CELF2: variants seen among roughly 807,000 people sequenced by gnomAD.
CELF2 encodes CUG triplet repeat RNA-binding protein 2.
In CELF2, 8 loss-of-function variants were observed where a neutral mutation model predicts 62.6. That is an observed-to-expected ratio of 0.13 (90% CI 0.07 to 0.23). CELF2 has a LOEUF of 0.23. CELF2 is among the 10% of genes least tolerant of loss of function. The probability of loss-of-function intolerance (pLI) is 1.00; values close to 1 mark genes in which losing one functional copy is unlikely to be tolerated. For synonymous variants in CELF2, 258 were observed against 250.0 expected, an observed-to-expected ratio of 1.03 and a Z score of -0.30; for missense variants, 333 against 671.0, an observed-to-expected ratio of 0.50 and a Z score of 5.56.
the CELF2 span, among the ~76,000 whole-genome samples, chr10:10,483,273 C>CT: frequency 2.0e-5 from 3 of 148,318 alleles, 1 homozygote; most frequent in Admixed American, 6.7e-5. Context: ...AAATCAAACT[C>CT]TGTTTCTTAG....
rs984534641 is a variant in CELF2, at chr10:10,993,386, G to A, written c.89+73387G>A. On this transcript the variant is annotated intron_variant, in intron 2 of 13. Coordinates refer to the CELF2 transcript ENST00000636488. The surrounding 1 kb of genome is among the most constrained non-coding windows in gnomAD (Gnocchi z 5.3). ...GAGTAAATTGGGAAACACTTTCAGG[G>A]CAGGTGATATTTGAACTGCAACTGT... is the stretch of plus-strand genomic sequence containing the variant. Among the ~76,000 whole-genome samples, 2 of 152,084 alleles carry A rather than the reference G, an allele frequency of 1.3e-5. No individual in the cohort carries two copies. Among genetic ancestry groups the A allele is most frequent in the African/African-American group, 4.8e-5 (2 of 41,410 alleles).
the CELF2 span, among the ~76,000 whole-genome samples, chr10:10,512,733 C>A: frequency 6.6e-6 from 1 of 152,102 alleles, no homozygotes; most frequent in Admixed American, 6.6e-5. Context: ...TTAACAGGAT[C>A]AATTAAAGAC....
intron 2 of CELF2, among the ~76,000 whole-genome samples, chr10:11,198,279 C>T (rs768731970): frequency 1.3e-5 from 2 of 152,252 alleles, no homozygotes; most frequent in African/African-American, 2.4e-5. Context: ...ATATGGGAGC[C>T]GAATGCAGTG....
Position 11,244,294 on chromosome 10 carries a change from A to G in CELF2, c.355-4859A>G, listed in dbSNP as rs1565513909. Among the ~76,000 whole-genome samples the G allele has an allele frequency of 6.6e-6, 1 of 152,232 alleles. No individual in the cohort carries two copies. The highest frequency in any genetic ancestry group is 2.4e-5 in the African/African-American group (1 of 41,454). On this transcript the variant is annotated intron_variant, in intron 3 of 12. Coordinates refer to ENST00000633077, the MANE Select transcript of CELF2 (RefSeq NM_001326342.2). The surrounding 1 kb of genome is among the most constrained non-coding windows in gnomAD (Gnocchi z 4.2). ...CTTTTTACTTGAAATTGTCCAGCCT[A>G]TGAACATATCCCTCACTGTTAGTCT...
At chr10:11,106,773 G>A (rs1341882088) in intron 1 of CELF2, among the ~76,000 whole-genome samples, 1 of 152,246 alleles carries the variant, frequency 6.6e-6, no homozygotes, top group African/African-American at 2.4e-5. Flanking sequence ...CCTGAGGAGG[G>A]AAAGGGCATT....
chr10:10,466,962 A>G, the CELF2 span, among the ~76,000 whole-genome samples: 1 of 151,946 alleles, frequency 6.6e-6, no homozygotes, highest in Non-Finnish European at 1.5e-5. Flanking sequence ...GAGTGTATGG[A>G]ATACATTTCC....
intron 9 of CELF2, among the ~76,000 whole-genome samples, chr10:11,312,883 A>G (rs185421779): frequency 6.6e-6 from 1 of 152,326 alleles, no homozygotes; most frequent in Non-Finnish European, 1.5e-5. Context: ...GCAGTGGGCC[A>G]AGATCATGCC....
chr10:11,085,202 G>A lies in CELF2; in HGVS notation c.74+67039G>A, dbSNP rs1027062111. Among the ~76,000 whole-genome samples, 33 of 152,158 alleles carry A rather than the reference G, an allele frequency of 2.2e-4. 1 individual carries two copies. The highest frequency in any genetic ancestry group is 1.2e-4 in the Non-Finnish European group (8 of 68,040). On this transcript the variant is annotated intron_variant, in intron 1 of 12. Transcript: ENST00000633077. ...ACCTTAAGGTTTAGTAGATACTGTC[G>A]TTGAAGACATTGGAAATCATTTTCC...
At chr10:10,662,771 C>A in the CELF2 span, among the ~76,000 whole-genome samples, 1 of 152,170 alleles carries the variant, frequency 6.6e-6, no homozygotes, top group African/African-American at 2.4e-5. Flanking sequence ...ACCAGATGAT[C>A]TTTTGACATA....
the CELF2 span, among the ~76,000 whole-genome samples, chr10:10,700,398 A>G: frequency 1.3e-5 from 2 of 152,184 alleles, no homozygotes; most frequent in African/African-American, 4.8e-5. Context: ...ACCAAAATAC[A>G]ACAGATTGTT....
chr10:11,086,598 A>C (rs1273772461), intron 1 of CELF2, among the ~76,000 whole-genome samples: 3 of 145,954 alleles, frequency 2.1e-5, no homozygotes, highest in Non-Finnish European at 3.0e-5. Flanking sequence ...AAAAAAAAAA[A>C]AAAAAAAAAA....
rs538872630 is a variant in CELF2, at chr10:10,879,635, T to C, written c.54-40329T>C. Among the ~76,000 whole-genome samples, 5 of 152,352 alleles carry C rather than the reference T, an allele frequency of 3.3e-5. No homozygotes were observed. In the South Asian group the frequency reaches 6.2e-4, roughly 19 times the overall value. On this transcript the variant is annotated intron_variant, in intron 1 of 13. Coordinates refer to the CELF2 transcript ENST00000636488. ...GTCTACAGGGCACCTGTCTTAATCA[T>C]TTAACACTGAGTTAAGAAATCCTTT...
chr10:11,256,151 A>G (rs1321481319), intron 4 of CELF2, among the ~76,000 whole-genome samples: 1 of 152,194 alleles, frequency 6.6e-6, no homozygotes, highest in African/African-American at 2.4e-5. Context: ...TGGCTCATGG[A>G]GCAATCATGT....
chr10:10,706,116 C>T, the CELF2 span, among the ~76,000 whole-genome samples: 2 of 152,202 alleles, frequency 1.3e-5, no homozygotes, highest in East Asian at 1.9e-4. Flanking sequence ...CCTTCTCACT[C>T]CATCCCTGAC....
intron 1 of CELF2, among the ~76,000 whole-genome samples, chr10:11,102,924 T>A (rs1179448900): frequency 1.3e-5 from 2 of 152,206 alleles, no homozygotes; most frequent in Non-Finnish European, 2.9e-5. Flanking sequence ...GACAGACCAC[T>A]TCTCCCTTGC....
the CELF2 span, among the ~76,000 whole-genome samples, chr10:10,596,042 T>G: frequency 6.6e-6 from 1 of 152,218 alleles, no homozygotes; most frequent in African/African-American, 2.4e-5. Flanking sequence ...GCCCTGCCAC[T>G]GGCTAGCTCA....
chr10:11,049,122 T>TAA (rs11406502), intron 1 of CELF2, among the ~76,000 whole-genome samples: 12,235 of 142,978 alleles, frequency 0.086, 1,363 homozygotes, highest in African/African-American at 0.26. Flanking sequence ...ACTGTTCTGT[T>TAA]AAAAAAAAAA....
chr10:10,771,586 C>T, the CELF2 span, among the ~76,000 whole-genome samples: 1 of 152,152 alleles, frequency 6.6e-6, no homozygotes, highest in African/African-American at 2.4e-5. Flanking sequence ...GGGCAGTTTC[C>T]CCCATACTGT....
At chr10:10,615,537 G>T in the CELF2 span, among the ~76,000 whole-genome samples, 16 of 152,248 alleles carry the variant, frequency 1.1e-4, no homozygotes, top group Non-Finnish European at 2.2e-4. Flanking sequence ...GTTTGAATTT[G>T]TGTCCCTGCC....
Sources: gnomAD v4.1 joint callset for allele counts (sites outside exome capture counted in the v4.1 genomes callset) on GRCh38, gnomAD v4.1.1 for gene constraint, Gnocchi (gnomAD v3.1) non-coding constraint, MANE v1.5 for transcripts, NCBI Gene and HGNC (gene_info 2026-07-23, HGNC 2026-07-21) for gene names.